MARCHF1: variants seen among roughly 807,000 people sequenced by gnomAD.
MARCHF1 encodes E3 ubiquitin-protein ligase MARCHF1.
Under a neutral mutation model 54.2 loss-of-function variants are expected in MARCHF1, and 40 were observed. That is an observed-to-expected ratio of 0.74 (90% CI 0.57 to 0.96). The LOEUF is 0.96. Among genes scored for constraint, MARCHF1 ranks in the 40% least tolerant of loss-of-function variants. MARCHF1 has a pLI of 0.00. For missense variants in MARCHF1, 586 were observed against 656.5 expected, an observed-to-expected ratio of 0.89 and a Z score of 1.17; for synonymous variants, 236 against 236.3, an observed-to-expected ratio of 1.00 and a Z score of 0.01.
intron 1 of MARCHF1, among the ~76,000 whole-genome samples, chr4:164,199,681 C>CACACAGAGAGAGAGAGAGAG (rs1462208986): frequency 1.7e-4 from 8 of 47,658 alleles, no homozygotes; most frequent in African/African-American, 6.7e-4. Flanking sequence ...CACACACACA[C>CACACAGAGAGAGAGAGAGAG]AGAGAGAGAG....
intron 3 of MARCHF1, among the ~76,000 whole-genome samples, chr4:163,924,252 A>G (rs951584698): frequency 3.9e-5 from 6 of 152,104 alleles, no homozygotes; most frequent in African/African-American, 1.4e-4. Context: ...TCTTTTAGAA[A>G]GTAATCAAAG....
chr4:163,668,081 G>A (rs998867889), intron 5 of MARCHF1, among the ~76,000 whole-genome samples: 3 of 152,204 alleles, frequency 2.0e-5, no homozygotes, highest in Non-Finnish European at 4.4e-5. Context: ...CTTAGAGATT[G>A]AAATATGCTG....
chr4:163,853,303 A>G (rs1749688763), intron 4 of MARCHF1, among the ~76,000 whole-genome samples: 1 of 152,224 alleles, frequency 6.6e-6, no homozygotes, highest in Non-Finnish European at 1.5e-5. Context: ...TAAAACAATC[A>G]TTAAAATATA....
At position 163,528,821 on chromosome 4, in the gene MARCHF1, A is replaced by G; in HGVS notation, c.1565T>C (p.Val522Ala). Residue 522 changes from valine (V) to alanine (A), a missense_variant, in exon 10 of 10, where the codon GTG becomes GCG. Val to Ala is a moderately conservative substitution (Grantham distance 64). This residue lies in a region of MARCHF1 where 106 missense variants were observed against 93.8 expected (regional missense o/e 1.13). Coordinates refer to ENST00000514618, the MANE Select transcript of MARCHF1 (RefSeq NM_001394959.1). ...ATTTGCACCTGTTTGTGGTACAGGC[A>G]CTACCACAGCATCTTTGATGTCTGT... ...VNTDIKDAVV[V>A]PVPQTGANSL... The G allele has an allele frequency of 6.2e-7, 1 of 1,613,318 alleles. No homozygotes were observed. The highest frequency in any genetic ancestry group is 8.5e-7 in the Non-Finnish European group (1 of 1,179,500).
chr4:164,108,282 T>C (rs114888408), intron 2 of MARCHF1, among the ~76,000 whole-genome samples: 23 of 152,132 alleles, frequency 1.5e-4, no homozygotes, highest in African/African-American at 5.6e-4. Context: ...ACTAAGTAAG[T>C]TCCTGAGTCA....
chr4:163,580,041 G>A (rs969743115), intron 8 of MARCHF1, among the ~76,000 whole-genome samples: 9 of 149,332 alleles, frequency 6.0e-5, no homozygotes, highest in Non-Finnish European at 8.9e-5. Context: ...ATCCAGAATT[G>A]TCTTTTGTAG....
chr4:163,578,236 A>G (rs918091523), intron 8 of MARCHF1, among the ~76,000 whole-genome samples: 4 of 152,112 alleles, frequency 2.6e-5, no homozygotes, highest in African/African-American at 9.6e-5. Context: ...TCAGGAGTGG[A>G]TCTGTATCCT....
intron 2 of MARCHF1, among the ~76,000 whole-genome samples, chr4:164,034,468 T>C: frequency 6.6e-6 from 1 of 152,188 alleles, no homozygotes; most frequent in Non-Finnish European, 1.5e-5. Flanking sequence ...ATCCCACTAC[T>C]AGGTATGTAC....
intron 2 of MARCHF1, among the ~76,000 whole-genome samples, chr4:164,080,152 CAT>C (rs1560894437): frequency 1.3e-5 from 2 of 152,134 alleles, no homozygotes; most frequent in Admixed American, 6.5e-5. Flanking sequence ...GTGAATAAGT[CAT>C]ATGTAGAACA....
chr4:163,837,020 A>G (rs545411057), intron 4 of MARCHF1, among the ~76,000 whole-genome samples: 15 of 152,348 alleles, frequency 9.8e-5, no homozygotes, highest in African/African-American at 3.4e-4. Flanking sequence ...TAAAAACATC[A>G]TATGTATAAA....
In MARCHF1 at chr4:163,613,268, T is replaced by C. The variant is rs1312016992; in HGVS notation, c.242+46A>G. The stretch of plus-strand genomic sequence containing the variant: ...TCAGAACAAACAACAAGAATACGAA[T>C]ATTGATCCAAAGAATATAGATTAAG... On this transcript the variant is annotated intron_variant, in intron 6 of 9. Transcript: ENST00000514618. The C allele has an allele frequency of 1.9e-6, 3 of 1,541,290 alleles. No individual in the cohort carries two copies. In the African/African-American group the frequency reaches 4.1e-5, roughly 21 times the overall value.
chr4:164,127,409 AC>A (rs1756208101), intron 1 of MARCHF1, among the ~76,000 whole-genome samples: 1 of 152,212 alleles, frequency 6.6e-6, no homozygotes, highest in South Asian at 2.1e-4. Context: ...AATGGTGCTC[AC>A]TATGTTCACT....
At chr4:163,760,154 G>T (rs1440528948) in intron 4 of MARCHF1, among the ~76,000 whole-genome samples, 3 of 152,046 alleles carry the variant, frequency 2.0e-5, no homozygotes, top group Admixed American at 6.6e-5. Context: ...ACATTCTTTG[G>T]CCTGTGTCTC....
intron 1 of MARCHF1, among the ~76,000 whole-genome samples, chr4:164,257,690 A>C (rs1002192381): frequency 1.3e-5 from 2 of 152,126 alleles, no homozygotes; most frequent in Non-Finnish European, 2.9e-5. Context: ...TTGTGTGGCC[A>C]GGCATGGCAG....
intron 3 of MARCHF1, among the ~76,000 whole-genome samples, chr4:163,875,430 C>T (rs898069987): frequency 3.3e-5 from 5 of 151,988 alleles, no homozygotes; most frequent in Admixed American, 2.0e-4. Context: ...CAGAAATAAC[C>T]TTAAATTGGT....
At chr4:163,652,895 CCTG>C (rs1389521783) in intron 5 of MARCHF1, among the ~76,000 whole-genome samples, 1 of 151,732 alleles carries the variant, frequency 6.6e-6, no homozygotes, top group East Asian at 1.9e-4. Context: ...CAATTATGTT[CCTG>C]GTGTTGTTCT....
intron 1 of MARCHF1, chr4:164,188,889 C>A: frequency 1.3e-6 from 1 of 774,946 alleles, no homozygotes. Flanking sequence ...GCAGTTTTTA[C>A]CTTACCAGCC....
At chr4:164,167,571 A>G (rs1488179725) in intron 1 of MARCHF1, among the ~76,000 whole-genome samples, 2 of 151,872 alleles carry the variant, frequency 1.3e-5, no homozygotes, top group Non-Finnish European at 2.9e-5. Context: ...AGTATTGTAA[A>G]AAAAAGACAC....
chr4:163,720,934 A>C (rs569522947), intron 4 of MARCHF1, among the ~76,000 whole-genome samples: 2,456 of 152,310 alleles, frequency 0.016, 67 homozygotes, highest in African/African-American at 0.057. Context: ...TTGGGCTGAG[A>C]CGATGGGGTT....
Sources: gnomAD v4.1 joint callset for allele counts (sites outside exome capture counted in the v4.1 genomes callset) on GRCh38, gnomAD v4.1.1 for gene constraint, gnomAD v4.1.1 regional missense constraint, MANE v1.5 for transcripts, NCBI Gene and HGNC (gene_info 2026-07-23, HGNC 2026-07-21) for gene names.